The following EGFR variants were observed in gnomAD, a reference collection of about 807,000 sequenced individuals.
EGFR encodes the protein epidermal growth factor receptor.
EGFR carries 58 observed loss-of-function variants against 143.0 expected under a neutral mutation model. The ratio of observed to expected loss-of-function variants is 0.41; its 90% CI spans 0.33 to 0.50. EGFR has a LOEUF of 0.50. Ranked by LOEUF, EGFR falls within the 20% of genes least tolerant of loss-of-function variation. The pLI is 0.39. For synonymous variants in EGFR, 613 were observed against 594.4 expected (o/e 1.03, Z -0.45); for missense variants, 1,307 against 1,579.0 (o/e 0.83, Z 2.92).
chr7:55,053,364 C>G (rs770051763), intron 1 of EGFR, among the ~76,000 whole-genome samples: 1 of 152,154 alleles, frequency 6.6e-6, no homozygotes, highest in African/African-American at 2.4e-5. Flanking sequence ...TCTGCATAAA[C>G]GTGTGTGATC....
rs201637548 is a variant in EGFR, at chr7:55,026,880, G to A, written c.88+7515G>A. ...TCTCTTTAACTGCCAAAAAAAAAAA[G>A]GGAAAAAAAAAAGCTTTCTGCAGTG... is the stretch of plus-strand genomic sequence containing the variant. On this transcript the variant is annotated intron_variant, in intron 1 of 27. Transcript: ENST00000275493. 5.2e-4 allele frequency among the ~76,000 whole-genome samples: 79 copies of A among 151,450 alleles called. 2 individuals are homozygous for A. Among genetic ancestry groups the A allele is most frequent in the African/African-American group, 1.8e-3 (76 of 41,312 alleles).
rs1331500903 is a variant in EGFR at position 55,173,959 on chromosome 7, C to A, written c.2100C>A (p.Asn700Lys). 6.2e-7 allele frequency: 1 copy of A among 1,614,248 alleles called. No homozygotes were observed. The highest frequency in any genetic ancestry group is 8.5e-7 in the Non-Finnish European group (1 of 1,180,048). ...TTACACCCAGTGGAGAAGCTCCCAACCAAGCTCTCTTGAGGATCTTGAAGG... is the reference window on the plus strand; with the variant it reads ...TTACACCCAGTGGAGAAGCTCCCAAACAAGCTCTCTTGAGGATCTTGAAGG... ...EPLTPSGEAP[N>K]QALLRILKET... The change falls in exon 18 of 28, where the codon AAC (asparagine) becomes AAA (lysine). Residue 700 changes from asparagine to lysine, a missense_variant. This residue lies in a region of EGFR where 348 missense variants were observed against 451.5 expected (regional missense o/e 0.77). Coordinates refer to ENST00000275493, the MANE Select transcript of EGFR (RefSeq NM_005228.5).
intron 18 of EGFR, 103 bp downstream of exon 18, chr7:55,174,146 T>C: frequency 1.3e-6 from 2 of 1,502,322 alleles, no homozygotes; most frequent in Non-Finnish European, 1.8e-6. Context: ...TCATCTACTT[T>C]ACTCTTTGTT....
chr7:55,040,809 G>C (rs1787855387), intron 1 of EGFR, among the ~76,000 whole-genome samples: 2 of 152,104 alleles, frequency 1.3e-5, no homozygotes, highest in Admixed American at 1.3e-4. Context: ...CAATTAACTA[G>C]GTAAGAGGTC....
At chr7:55,079,269 G>A (rs1242441505) in intron 1 of EGFR, among the ~76,000 whole-genome samples, 2 of 152,228 alleles carry the variant, frequency 1.3e-5, no homozygotes, top group Admixed American at 6.5e-5. Flanking sequence ...AGCTGGAGCA[G>A]GTGCTCCGCC....
At chr7:55,035,931 T>C (rs1583877577) in intron 1 of EGFR, among the ~76,000 whole-genome samples, 1 of 152,228 alleles carries the variant, frequency 6.6e-6, no homozygotes, top group Admixed American at 6.5e-5. Flanking sequence ...TTTGATATCA[T>C]TATCTAAGTT....
intron 20 of EGFR, among the ~76,000 whole-genome samples, chr7:55,190,846 A>C (rs17290531): frequency 0.012 from 1,801 of 152,324 alleles, 35 homozygotes; most frequent in Non-Finnish European, 0.013. Context: ...TGGCCCTTGC[A>C]GAGAGATGCA....
chr7:55,166,923 GTGT>G (rs1336668412), intron 15 of EGFR, among the ~76,000 whole-genome samples: 1 of 136,784 alleles, frequency 7.3e-6, no homozygotes, highest in South Asian at 3.0e-4. Flanking sequence ...AATGTTGGTG[GTGT>G]TGATGGTGGT....
intron 7 of EGFR, among the ~76,000 whole-genome samples, chr7:55,155,585 G>A (rs1785369200): frequency 6.6e-6 from 1 of 152,252 alleles, no homozygotes; most frequent in South Asian, 2.1e-4. Context: ...GGCCCCTCAA[G>A]GGACCCAGTG....
At chr7:55,113,097 C>T (rs1308326481) in intron 1 of EGFR, among the ~76,000 whole-genome samples, 2 of 152,156 alleles carry the variant, frequency 1.3e-5, no homozygotes, top group Non-Finnish European at 2.9e-5. Context: ...AGGCTGTCTG[C>T]CAGGGGAGCA....
chr7:55,163,634 A>G (rs1785813772), intron 13 of EGFR, 99 bp from the exon 14 acceptor site: 1 of 1,011,328 alleles, frequency 9.9e-7, no homozygotes, highest in Non-Finnish European at 1.6e-6. Context: ...CAACTCCTTG[A>G]CCATTACCTC....
intron 22 of EGFR, 93 bp from the exon 23 acceptor site, chr7:55,198,624 A>G (rs755518152): frequency 5.3e-4 from 837 of 1,582,768 alleles, no homozygotes; most frequent in Non-Finnish European, 6.8e-4. Context: ...TCTAAACATC[A>G]AGAAACAGTA....
chr7:55,181,532 A>G (rs2128959017), intron 20 of EGFR, 54 bp downstream of exon 20: 1 of 1,608,794 alleles, frequency 6.2e-7, no homozygotes, highest in South Asian at 1.1e-5. Flanking sequence ...GGATCCTCAC[A>G]TGCGGTCTGC....
chr7:55,133,489 A>G (rs1452371911), intron 1 of EGFR, among the ~76,000 whole-genome samples: 2 of 152,204 alleles, frequency 1.3e-5, no homozygotes, highest in African/African-American at 2.4e-5. Context: ...GGCTTCCTGA[A>G]GTCAGCTGGC....
chr7:55,041,387 G>A (rs1446554685), intron 1 of EGFR, among the ~76,000 whole-genome samples: 3 of 152,070 alleles, frequency 2.0e-5, no homozygotes, highest in African/African-American at 7.2e-5. Flanking sequence ...CTCCAGCCTG[G>A]GCAAAAGAGC....
intron 16 of EGFR, among the ~76,000 whole-genome samples, 173 bp downstream of exon 16, chr7:55,171,386 C>T (rs1786342772): frequency 6.6e-6 from 1 of 152,238 alleles, no homozygotes; most frequent in Non-Finnish European, 1.5e-5. Flanking sequence ...GCTGGTTCCA[C>T]GTGGCTCCAC....
rs2128929391 is a variant in EGFR, at chr7:55,146,603, C to T, written c.425-3C>T. On this transcript the variant is annotated splice_polypyrimidine_tract_variant and splice_region_variant and intron_variant, in intron 3 of 27. Coordinates refer to ENST00000275493, the MANE Select transcript of EGFR (RefSeq NM_005228.5). Reference sequence around the variant, plus strand: ...TGCTCACCGCAGTTCCATTCTCCCGCAGAAATCCTGCATGGCGCCGTGCGG... The same window carrying T: ...TGCTCACCGCAGTTCCATTCTCCCGTAGAAATCCTGCATGGCGCCGTGCGG... 1 of 1,614,078 alleles carries T rather than the reference C, an allele frequency of 6.2e-7. No homozygotes were observed.
intron 1 of EGFR, among the ~76,000 whole-genome samples, chr7:55,123,969 ATC>A (rs762454828): frequency 3.9e-5 from 6 of 152,160 alleles, no homozygotes; most frequent in Non-Finnish European, 7.3e-5. Context: ...TGTTTTATGC[ATC>A]TGTTTGCAAG....
At chr7:55,057,753 T>G (rs1318250131) in intron 1 of EGFR, among the ~76,000 whole-genome samples, 1 of 152,212 alleles carries the variant, frequency 6.6e-6, no homozygotes, top group African/African-American at 2.4e-5. Context: ...TCCTCTACAT[T>G]CTGACAGCTC....
Sources: gnomAD v4.1 joint callset for allele counts (sites outside exome capture counted in the v4.1 genomes callset) on GRCh38, gnomAD v4.1.1 for gene constraint, gnomAD v4.1.1 regional missense constraint, MANE v1.5 for transcripts, NCBI Gene and HGNC (gene_info 2026-07-23, HGNC 2026-07-21) for gene names.